FLI1: variants seen among roughly 807,000 people sequenced by gnomAD.
FLI1 encodes Fli-1 proto-oncogene, ETS transcription factor.
Under a neutral mutation model 53.1 loss-of-function variants are expected in FLI1, and 13 were observed. The observed-to-expected ratio is 0.24, with a 90% CI of 0.16 to 0.39. FLI1 has a LOEUF of 0.39. FLI1 is among the 10% of genes least tolerant of loss of function. The probability of loss-of-function intolerance (pLI) is 1.00; values close to 1 mark genes in which losing one functional copy is unlikely to be tolerated. For missense variants in FLI1, 424 were observed against 600.5 expected, an observed-to-expected ratio of 0.71 and a Z score of 3.07; for synonymous variants, 244 against 236.7, an observed-to-expected ratio of 1.03 and a Z score of -0.28.
intron 1 of FLI1, among the ~76,000 whole-genome samples, chr11:128,739,089 C>T (rs963486336): frequency 6.6e-6 from 1 of 152,166 alleles, no homozygotes; most frequent in African/African-American, 2.4e-5. Flanking sequence ...TTTATCAGCA[C>T]TTATCTCCTG....
At chr11:128,736,313 A>G (rs1939914320) in intron 1 of FLI1, among the ~76,000 whole-genome samples, 1 of 152,192 alleles carries the variant, frequency 6.6e-6, no homozygotes, top group African/African-American at 2.4e-5. Context: ...ATCTTAAGAA[A>G]CTTCCAATGA....
chr11:128,731,539 C>T (rs145110257), intron 1 of FLI1, among the ~76,000 whole-genome samples: 6 of 148,350 alleles, frequency 4.0e-5, no homozygotes, highest in African/African-American at 1.5e-4. Context: ...AAAAACAAAA[C>T]AAAAAACAAA....
chr11:128,760,262 G>T (rs1285048546), intron 2 of FLI1, among the ~76,000 whole-genome samples: 1 of 152,214 alleles, frequency 6.6e-6, no homozygotes, highest in Non-Finnish European at 1.5e-5. Context: ...AGGGCTTTCA[G>T]GGGACAGTGC....
In FLI1 at chr11:128,776,216, G is replaced by A. The variant is rs371088215; in HGVS notation, c.589+3231G>A. 4.6e-5 allele frequency among the ~76,000 whole-genome samples: 7 copies of A among 152,290 alleles called. No homozygotes were observed. The East Asian group carries it at 5.8e-4, about 13-fold the overall frequency. On this transcript the variant is annotated intron_variant, in intron 4 of 8. Coordinates refer to ENST00000527786, the MANE Select transcript of FLI1 (RefSeq NM_002017.5). ...GGCCAGGCATGCTAGGGAGGTGCTT[G>A]TTCTTCACACCTGGGCGTGTCAGCT...
chr11:128,754,358 A>T (rs1334966401), intron 1 of FLI1, among the ~76,000 whole-genome samples: 1 of 152,038 alleles, frequency 6.6e-6, no homozygotes, highest in African/African-American at 2.4e-5. Flanking sequence ...GAAAGGTTTC[A>T]TGGAAACAGG....
intron 5 of FLI1, chr11:128,804,562 G>A (rs1351160935): frequency 6.6e-6 from 1 of 152,178 alleles, no homozygotes; most frequent in Non-Finnish European, 1.5e-5. Context: ...TGAGAAGCAA[G>A]CCCTTAGTCA....
rs1942922775 is a variant in FLI1 at position 128,810,951 on chromosome 11, A to T, written c.1322A>T (p.Asn441Ile). The stretch of plus-strand genomic sequence containing the variant: ...AACCCCAACGTCCCCCGCCATCCTA[A>T]CACCCACGTGCCTTCACACTTAGGC... ...YPNPNVPRHP[N>I]THVPSHLGSY... The change falls in exon 9 of 9, where the codon AAC (asparagine) becomes ATC (isoleucine). Residue 441 changes from asparagine (N) to isoleucine (I), a missense_variant. This residue lies in a region of FLI1 where 87 missense variants were observed against 100.0 expected (regional missense o/e 0.87). Transcript: ENST00000527786. The surrounding 1 kb of genome is among the most constrained non-coding windows in gnomAD (Gnocchi z 6.6). The T allele has an allele frequency of 6.2e-7, 1 of 1,613,774 alleles. No individual in the cohort carries two copies. Among genetic ancestry groups the T allele is most frequent in the Non-Finnish European group, 8.5e-7 (1 of 1,179,880 alleles).
chr11:128,690,763 T>A (rs1937706803), upstream of FLI1, among the ~76,000 whole-genome samples: 1 of 152,238 alleles, frequency 6.6e-6, no homozygotes, highest in Non-Finnish European at 1.5e-5. Flanking sequence ...TTGGGACATT[T>A]TTTTCTCCAG....
intron 1 of FLI1, among the ~76,000 whole-genome samples, chr11:128,726,274 T>A (rs535705240): frequency 1.2e-4 from 18 of 151,890 alleles, no homozygotes; most frequent in Non-Finnish European, 2.2e-4. Context: ...CACTCCCGAT[T>A]ACACATTAAG....
intron 8 of FLI1, among the ~76,000 whole-genome samples, chr11:128,809,921 G>T (rs1276429626): frequency 6.6e-6 from 1 of 152,184 alleles, no homozygotes; most frequent in African/African-American, 2.4e-5. Context: ...ACTTAGAGCT[G>T]CAAGCCAAGC....
intron 1 of FLI1, among the ~76,000 whole-genome samples, chr11:128,720,499 G>C (rs759003408): frequency 1.8e-4 from 28 of 152,126 alleles, no homozygotes; most frequent in African/African-American, 5.8e-4. Flanking sequence ...AGAAACACTG[G>C]GGGGTGGGGA....
At chr11:128,792,916 A>C (rs1942318850) in intron 5 of FLI1, among the ~76,000 whole-genome samples, 1 of 152,164 alleles carries the variant, frequency 6.6e-6, no homozygotes, top group South Asian at 2.1e-4. Flanking sequence ...CAGGAGTTCA[A>C]GATCAGCCCT....
At chr11:128,712,619 T>C (rs114502165) in intron 1 of FLI1, among the ~76,000 whole-genome samples, 10,228 of 152,188 alleles carry the variant, frequency 0.067, 1,059 homozygotes, top group African/African-American at 0.22. Flanking sequence ...CTTACACGGA[T>C]GGCAGCAGGC....
upstream of FLI1, chr11:128,685,985 G>T (rs913717562): frequency 5.0e-6 from 1 of 199,526 alleles, no homozygotes. Context: ...TAAAAATGAG[G>T]ACCTGACAGT....
intron 2 of FLI1, among the ~76,000 whole-genome samples, chr11:128,759,759 A>G (rs542109024): frequency 6.6e-6 from 1 of 152,362 alleles, no homozygotes; most frequent in African/African-American, 2.4e-5. Flanking sequence ...GAACATCCAG[A>G]TAAAAACGTC....
chr11:128,703,056 G>A (rs1042114554), intron 1 of FLI1, among the ~76,000 whole-genome samples: 1 of 152,076 alleles, frequency 6.6e-6, no homozygotes, highest in Non-Finnish European at 1.5e-5. Flanking sequence ...ACACTAGAAA[G>A]AAAATACAAA....
At chr11:128,736,057 G>A (rs780417338) in intron 1 of FLI1, among the ~76,000 whole-genome samples, 3 of 152,120 alleles carry the variant, frequency 2.0e-5, no homozygotes, top group Non-Finnish European at 4.4e-5. Flanking sequence ...GATCGATGAG[G>A]CTATCCATCT....
intron 4 of FLI1, among the ~76,000 whole-genome samples, chr11:128,777,674 C>G (rs1241502522): frequency 6.6e-6 from 1 of 152,232 alleles, no homozygotes; most frequent in Non-Finnish European, 1.5e-5. Flanking sequence ...GATCCCAGAG[C>G]CTTGCACCCT....
At chr11:128,751,181 G>C (rs1310298337) in intron 1 of FLI1, among the ~76,000 whole-genome samples, 1 of 152,082 alleles carries the variant, frequency 6.6e-6, no homozygotes, top group Non-Finnish European at 1.5e-5. Flanking sequence ...TTGCATTTCA[G>C]GCTCTATCAT....
Sources: gnomAD v4.1 joint callset for allele counts (sites outside exome capture counted in the v4.1 genomes callset) on GRCh38, gnomAD v4.1.1 for gene constraint, gnomAD v4.1.1 regional missense constraint, Gnocchi (gnomAD v3.1) non-coding constraint, MANE v1.5 for transcripts, NCBI Gene and HGNC (gene_info 2026-07-23, HGNC 2026-07-21) for gene names.